KCNQ1: variants seen among roughly 807,000 people sequenced by gnomAD.
The protein encoded by KCNQ1 is potassium voltage-gated channel subfamily Q member 1, also known as potassium voltage-gated channel subfamily KQT member 1.
Under a neutral mutation model 72.4 loss-of-function variants are expected in KCNQ1, and 49 were observed. That is an observed-to-expected ratio of 0.68 (90% CI 0.54 to 0.86). KCNQ1 has a LOEUF of 0.86. Among genes scored for constraint, KCNQ1 ranks in the 40% least tolerant of loss-of-function variants. The pLI is 0.00. For synonymous variants in KCNQ1, 450 were observed against 412.6 expected (o/e 1.09, Z -1.10); for missense variants, 790 against 945.1 (o/e 0.84, Z 2.15).
Position 2,468,320 on chromosome 11 carries a change from T to C in KCNQ1, c.386+22836T>C, listed in dbSNP as rs1306374412. On this transcript the variant is annotated intron_variant, in intron 1 of 15. Coordinates refer to ENST00000155840, the MANE Select transcript of KCNQ1 (RefSeq NM_000218.3). The surrounding 1 kb of genome is among the most constrained non-coding windows in gnomAD (Gnocchi z 5.7). ...CACCACCACGCCTGGCTAATTTTTGTATTTTTTGTAGAGATGGGGTCTTGC... is the reference window on the plus strand; with the variant it reads ...CACCACCACGCCTGGCTAATTTTTGCATTTTTTGTAGAGATGGGGTCTTGC... Among the ~76,000 whole-genome samples, 1 of 152,174 alleles carries C rather than the reference T, an allele frequency of 6.6e-6. No homozygotes were observed. Among genetic ancestry groups the C allele is most frequent in the East Asian group, 1.9e-4 (1 of 5,194 alleles).
rs1056984042 is a variant in KCNQ1, at chr11:2,769,455, G to A, written c.1590+536G>A. Among the ~76,000 whole-genome samples the A allele has an allele frequency of 2.0e-5, 3 of 152,178 alleles. No individual in the cohort carries two copies. The highest frequency in any genetic ancestry group is 7.2e-5 in the African/African-American group (3 of 41,454). ...GGTGGGGTCCCCTTGGCCAGGTGAG[G>A]CTGGAGCTCCAGGGCTTCCATAAGC... On this transcript the variant is annotated intron_variant, in intron 12 of 15. Transcript: ENST00000155840. This position sits in a 1 kb window ranked among gnomAD's most constrained non-coding sequence, Gnocchi z 4.6.
chr11:2,488,846 T>G lies in KCNQ1; in HGVS notation c.387-39082T>G, dbSNP rs925863114. On this transcript the variant is annotated intron_variant, in intron 1 of 15. Coordinates refer to ENST00000155840, the MANE Select transcript of KCNQ1 (RefSeq NM_000218.3). The surrounding 1 kb of genome is among the most constrained non-coding windows in gnomAD (Gnocchi z 5.1). ...ATTGTTTTTCTATTCTCTATTTTGT[T>G]GGTCTCTGCTGTGGTATTTATTATC... 6.6e-6 allele frequency among the ~76,000 whole-genome samples: 1 copy of G among 152,242 alleles called. No homozygotes were observed. Among genetic ancestry groups the G allele is most frequent in the Admixed American group, 6.5e-5 (1 of 15,276 alleles).
chr11:2,842,196 G>A (rs1462240429), intron 15 of KCNQ1, among the ~76,000 whole-genome samples: 10 of 152,046 alleles, frequency 6.6e-5, no homozygotes, highest in Admixed American at 2.0e-4. Context: ...CGCCAGTCCC[G>A]AGCCTGAGCA....
chr11:2,497,447 T>C lies in KCNQ1; in HGVS notation c.387-30481T>C, dbSNP rs191383858. The stretch of plus-strand genomic sequence containing the variant: ...CAATCTCTGATATCCTTTCTTCCAC[T>C]TGATTCATTTGGCTATTGATACTTG... On this transcript the variant is annotated intron_variant, in intron 1 of 15. Transcript: ENST00000155840. This position sits in a 1 kb window ranked among gnomAD's most constrained non-coding sequence, Gnocchi z 4.5. Among the ~76,000 whole-genome samples the C allele has an allele frequency of 2.4e-3, 362 of 152,302 alleles. No homozygotes were observed. The highest frequency in any genetic ancestry group is 7.9e-3 in the African/African-American group (330 of 41,556).
intron 10 of KCNQ1, chr11:2,614,199 C>T: frequency 7.5e-6 from 3 of 398,558 alleles, no homozygotes; most frequent in Non-Finnish European, 1.3e-5. Context: ...AGGGTGCCAC[C>T]TCAAATCTTA....
chr11:2,548,215 T>G (rs1210288937), intron 2 of KCNQ1, among the ~76,000 whole-genome samples: 1 of 152,146 alleles, frequency 6.6e-6, no homozygotes, highest in Non-Finnish European at 1.5e-5. Context: ...GTGTTTGTCC[T>G]GATTGCACGA....
intron 10 of KCNQ1, chr11:2,616,384 G>A (rs1236369674): frequency 1.3e-5 from 5 of 397,662 alleles, no homozygotes; most frequent in African/African-American, 2.1e-5. Flanking sequence ...ATTTAAGCTC[G>A]AATTCAGTTT....
chr11:2,638,364 G>T (rs1175982732), intron 10 of KCNQ1: 14 of 152,148 alleles, frequency 9.2e-5, no homozygotes, highest in Admixed American at 9.2e-4. Context: ...TTGTAGGGCA[G>T]GCCTGGTGGT....
chr11:2,643,917 G>A, intron 10 of KCNQ1: 5 of 398,502 alleles, frequency 1.3e-5, no homozygotes, highest in Non-Finnish European at 2.2e-5. Flanking sequence ...TCAGCACTCT[G>A]CGTATATAAT....
rs1168264648 is a variant in KCNQ1 at position 2,734,886 on chromosome 11, G to T, written c.1515-33958G>T. ...GCTGTGGCTTCCCAGGCCCCGGCTG[G>T]GACCACCGCAGAGGTGATGTCTCCA... is the stretch of plus-strand genomic sequence containing the variant. On this transcript the variant is annotated intron_variant, in intron 11 of 15. Coordinates refer to ENST00000155840, the MANE Select transcript of KCNQ1 (RefSeq NM_000218.3). This position sits in a 1 kb window ranked among gnomAD's most constrained non-coding sequence, Gnocchi z 7.0. 1.3e-5 allele frequency among the ~76,000 whole-genome samples: 2 copies of T among 152,008 alleles called. No homozygotes were observed. Among genetic ancestry groups the T allele is most frequent in the East Asian group, 3.9e-4 (2 of 5,128 alleles).
At chr11:2,714,243 TG>T (rs1462713997) in intron 11 of KCNQ1, among the ~76,000 whole-genome samples, 3 of 152,174 alleles carry the variant, frequency 2.0e-5, no homozygotes, top group Non-Finnish European at 2.9e-5. Context: ...ATGGGGGGGT[TG>T]GGCCTCACCT....
chr11:2,544,713 G>T lies in KCNQ1; in HGVS notation c.477+16695G>T, dbSNP rs1847880455. 1.3e-5 allele frequency among the ~76,000 whole-genome samples: 2 copies of T among 152,104 alleles called. No homozygotes were observed. The highest frequency in any genetic ancestry group is 4.8e-5 in the African/African-American group (2 of 41,410). Reference sequence around the variant, plus strand: ...TTGTTCCAGTGGCTTTTGAAAAAATGAATTCCATTGATTTCCTTATATGAA... The same window carrying T: ...TTGTTCCAGTGGCTTTTGAAAAAATTAATTCCATTGATTTCCTTATATGAA... On this transcript the variant is annotated intron_variant, in intron 2 of 15. Coordinates refer to ENST00000155840, the MANE Select transcript of KCNQ1 (RefSeq NM_000218.3). The surrounding 1 kb of genome is among the most constrained non-coding windows in gnomAD (Gnocchi z 4.4).
intron 11 of KCNQ1, among the ~76,000 whole-genome samples, chr11:2,706,825 C>T (rs1850918877): frequency 2.0e-5 from 3 of 152,216 alleles, no homozygotes; most frequent in Admixed American, 2.0e-4. Flanking sequence ...GTGAGAACCA[C>T]TCCCCGGTGC....
chr11:2,562,667 GGCCTCATTGT>G lies in KCNQ1; in HGVS notation c.478-7960_478-7951del, dbSNP rs1848191245. Among the ~76,000 whole-genome samples the G allele has an allele frequency of 6.6e-6, 1 of 152,150 alleles. No homozygotes were observed. Among genetic ancestry groups the G allele is most frequent in the Admixed American group, 6.5e-5 (1 of 15,286 alleles). ...TCCAGGCCCCATCTTGGCCTGATGA[GGCCTCATTGT>G]CTCCTAAAAAGTGTGGGTACAGATC... On this transcript the variant is annotated intron_variant, in intron 2 of 15. Coordinates refer to ENST00000155840, the MANE Select transcript of KCNQ1 (RefSeq NM_000218.3). This position sits in a 1 kb window ranked among gnomAD's most constrained non-coding sequence, Gnocchi z 7.5.
At position 2,647,607 on chromosome 11, in the gene KCNQ1, G is replaced by A. The variant is rs1212601431; in HGVS notation, c.1394-14354G>A. On this transcript the variant is annotated intron_variant, in intron 10 of 15. Transcript: ENST00000155840. The surrounding 1 kb of genome is among the most constrained non-coding windows in gnomAD (Gnocchi z 4.0). ...TTCTTTAAAGGTTTGGTAGAATTCA[G>A]TAGAAAACCCGTGCAATCCTGAGGT... is the stretch of plus-strand genomic sequence containing the variant. 6 of 398,426 alleles carry A rather than the reference G, an allele frequency of 1.5e-5. No individual in the cohort carries two copies. Among genetic ancestry groups the A allele is most frequent in the Admixed American group, 8.8e-5 (2 of 22,716 alleles). 24.7% of individuals were successfully genotyped at this position (398,426 alleles called of 1,614,324 possible). A position where few individuals can be genotyped will look rare whatever the true frequency, so the allele number is the denominator to read the frequency against.
chr11:2,828,376 A>G lies in KCNQ1; in HGVS notation c.1795-19391A>G, dbSNP rs1330856407. 6.6e-6 allele frequency among the ~76,000 whole-genome samples: 1 copy of G among 152,238 alleles called. No homozygotes were observed. The highest frequency in any genetic ancestry group is 2.4e-5 in the African/African-American group (1 of 41,466). ...CCACTAAGGTGACAGTAAAGGCATG[A>G]AAAACATGGAAACATGTAAATCAAC... On this transcript the variant is annotated intron_variant, in intron 15 of 15. Coordinates refer to ENST00000155840, the MANE Select transcript of KCNQ1 (RefSeq NM_000218.3). This position sits in a 1 kb window ranked among gnomAD's most constrained non-coding sequence, Gnocchi z 5.3.
At chr11:2,644,021 T>G (rs1026268423) in intron 10 of KCNQ1, 2 of 398,460 alleles carry the variant, frequency 5.0e-6, no homozygotes, top group South Asian at 2.5e-4. Context: ...TATCGCTGGT[T>G]TTATGATTCT....
intron 1 of KCNQ1, among the ~76,000 whole-genome samples, chr11:2,512,524 G>A (rs1847227104): frequency 6.6e-6 from 1 of 152,228 alleles, no homozygotes; most frequent in Non-Finnish European, 1.5e-5. Context: ...AGACAAGTGT[G>A]GCCATGACCG....
chr11:2,469,734 C>T (rs920966664), intron 1 of KCNQ1, among the ~76,000 whole-genome samples: 3 of 151,748 alleles, frequency 2.0e-5, no homozygotes, highest in Admixed American at 1.3e-4. Context: ...AGTGCAGTGG[C>T]GCGATCTCGG....
Sources: gnomAD v4.1 joint callset for allele counts (sites outside exome capture counted in the v4.1 genomes callset) on GRCh38, gnomAD v4.1.1 for gene constraint, Gnocchi (gnomAD v3.1) non-coding constraint, MANE v1.5 for transcripts, NCBI Gene and HGNC (gene_info 2026-07-23, HGNC 2026-07-21) for gene names.